The following ZNF230 variants were observed in gnomAD, a reference collection of about 807,000 sequenced individuals.
ZNF230 encodes zinc finger protein FDZF2.
In ZNF230, 12 loss-of-function variants were observed where a neutral mutation model predicts 10.0. The observed-to-expected ratio is 1.20, with a 90% CI of 0.77 to 1.95. The LOEUF (loss-of-function observed/expected upper bound fraction) is 1.95. Among genes scored for constraint, ZNF230 ranks in the 30% most tolerant of loss-of-function variants. The pLI, the probability that ZNF230 is intolerant of heterozygous loss-of-function variation, is 0.00. For synonymous variants in ZNF230, 174 were observed against 193.6 expected (o/e 0.90, Z 0.84); for missense variants, 532 against 565.8 (o/e 0.94, Z 0.61).
intron 2 of ZNF230, 111 bp downstream of exon 2, chr19:44,007,204 T>A: frequency 1.0e-6 from 1 of 996,970 alleles, no homozygotes; most frequent in East Asian, 2.6e-5. Flanking sequence ...ATTTGGGACC[T>A]GTTGTGTGCC....
rs138734079 is a variant in ZNF230, at chr19:44,010,895, G to A, written c.856G>A (p.Gly286Ser). 56 of 1,614,076 alleles carry A rather than the reference G, an allele frequency of 3.5e-5. No homozygotes were observed. The highest frequency in any genetic ancestry group is 4.4e-5 in the Non-Finnish European group (52 of 1,180,038). The stretch of plus-strand genomic sequence containing the variant: ...GAAGCCGTTCAAATGTGAAATATGT[G>A]GTAAGAGCTTCTGCCTTAGGTCAAG... ...GEKPFKCEICGKSFCLRSSLN... is the reference protein window; with the variant it reads ...GEKPFKCEICSKSFCLRSSLN... Residue 286 changes from glycine (G) to serine (S), a missense_variant, in exon 5 of 5, where the codon GGT becomes AGT. Gly to Ser is a moderately conservative substitution (Grantham distance 56). Coordinates refer to ENST00000429154, the MANE Select transcript of ZNF230 (RefSeq NM_006300.4).
At position 44,011,657 on chromosome 19, in the gene ZNF230, T is replaced by G. The variant is rs1976185861; in HGVS notation, c.*193T>G. ...GTTGATTATAGTCACCTTTGGTGCT[T>G]TAGAACACTAGAATGTATTTCTCCT... On this transcript the variant is annotated 3_prime_UTR_variant, in exon 5 of 5. Coordinates refer to ENST00000429154, the MANE Select transcript of ZNF230 (RefSeq NM_006300.4). 17 of 594,704 alleles carry G rather than the reference T, an allele frequency of 2.9e-5. No homozygotes were observed. The allele number at this position is 594,704 out of a possible 1,614,324, so 36.8% of individuals were successfully genotyped here. A position where few individuals can be genotyped will look rare whatever the true frequency, so the allele number is the denominator to read the frequency against.
intron 4 of ZNF230, 120 bp from the exon 5 acceptor site, chr19:44,010,149 A>T: frequency 1.0e-6 from 1 of 963,476 alleles, no homozygotes; most frequent in African/African-American, 1.6e-5. Flanking sequence ...AACAAGATTC[A>T]TGGGGAAAAC....
In ZNF230 at chr19:44,011,577, TG is replaced by T; in HGVS notation, c.*116del. ...TTAAACAATTAACATTTCTTTGTTTTGGGAAAATTCAAAATCCATTGTTCTA... is the reference window on the plus strand; with the variant it reads ...TTAAACAATTAACATTTCTTTGTTTTGGAAAATTCAAAATCCATTGTTCTA... On this transcript the variant is annotated 3_prime_UTR_variant, in exon 5 of 5. Coordinates refer to ENST00000429154, the MANE Select transcript of ZNF230 (RefSeq NM_006300.4). The T allele has an allele frequency of 8.4e-7, 1 of 1,183,812 alleles. No homozygotes were observed. Among genetic ancestry groups the T allele is most frequent in the South Asian group, 1.6e-5 (1 of 63,830 alleles). 73.3% of individuals were successfully genotyped at this position (1,183,812 alleles called of 1,614,324 possible). A position where few individuals can be genotyped will look rare whatever the true frequency, so the allele number is the denominator to read the frequency against.
At position 44,011,565 on chromosome 19, in the gene ZNF230, AT is replaced by A; in HGVS notation, c.*104del. ...TAGTGTATTACCTTAAACAATTAAC[AT>A]TTCTTTGTTTTGGGAAAATTCAAAA... On this transcript the variant is annotated 3_prime_UTR_variant, in exon 5 of 5. Coordinates refer to ENST00000429154, the MANE Select transcript of ZNF230 (RefSeq NM_006300.4). 1 of 1,239,338 alleles carries A rather than the reference AT, an allele frequency of 8.1e-7. No homozygotes were observed. The highest frequency in any genetic ancestry group is 1.1e-6 in the Non-Finnish European group (1 of 909,644). The allele number at this position is 1,239,338 out of a possible 1,614,324, so 76.8% of individuals were successfully genotyped here. A position where few individuals can be genotyped will look rare whatever the true frequency, so the allele number is the denominator to read the frequency against.
chr19:44,010,559 G>T lies in ZNF230; in HGVS notation c.520G>T (p.Gly174Ter). 1 of 1,614,212 alleles carries T rather than the reference G, an allele frequency of 6.2e-7. No homozygotes were observed. The highest frequency in any genetic ancestry group is 8.5e-7 in the Non-Finnish European group (1 of 1,180,036). The stretch of plus-strand genomic sequence containing the variant: ...GAAGTCTCATACATGCAATGAGTGT[G>T]GAAAAAGCTTCTGTTACATCTCAGC... The part of the protein sequence containing the change: ...GEKSHTCNEC[G>*]KSFCYISALR... The change falls in exon 5 of 5, where the codon GGA (glycine) becomes TGA (stop). Residue 174 changes from glycine (G) to a stop codon, truncating the protein, a stop_gained. Coordinates refer to ENST00000429154, the MANE Select transcript of ZNF230 (RefSeq NM_006300.4). LOFTEE classifies it low-confidence loss of function (END_TRUNC).
chr19:44,013,398 T>G lies in ZNF230; in HGVS notation c.*1934T>G, dbSNP rs1467168531. 3.3e-5 allele frequency: 5 copies of G among 152,234 alleles called. No individual in the cohort carries two copies. Among genetic ancestry groups the G allele is most frequent in the Non-Finnish European group, 7.3e-5 (5 of 68,034 alleles). The allele number at this position is 152,234 out of a possible 1,614,324, so 9.4% of individuals were successfully genotyped here. ...TTGTTGGCAGTAAAAATAAGTCTTT[T>G]GTAAGCAGTGTATATCAGAATGTAT... On this transcript the variant is annotated 3_prime_UTR_variant, in exon 5 of 5. Coordinates refer to ENST00000429154, the MANE Select transcript of ZNF230 (RefSeq NM_006300.4).
chr19:44,006,985 C>A, intron 1 of ZNF230, 26 bp from the exon 2 acceptor site: 3 of 1,075,946 alleles, frequency 2.8e-6, no homozygotes, highest in Non-Finnish European at 4.2e-6. Flanking sequence ...TCATGTCTCT[C>A]TTTTGCTGTC....
intron 4 of ZNF230, 91 bp from the exon 5 acceptor site, chr19:44,010,178 A>G (rs1976161464): frequency 1.6e-6 from 2 of 1,216,132 alleles, no homozygotes; most frequent in South Asian, 3.1e-5. Context: ...AACATTCATT[A>G]AAGTTGAATG....
chr19:44,010,473 G>A lies in ZNF230; in HGVS notation c.434G>A (p.Cys145Tyr), dbSNP rs747485897. 6 of 1,614,252 alleles carry A rather than the reference G, an allele frequency of 3.7e-6. No individual in the cohort carries two copies. The East Asian group carries it at 1.1e-4, about 30-fold the overall frequency. ...TGQKPSQNGK[C>Y]KQSFSDVAIF... is the part of the protein sequence containing the mutation. ...CAGAAACCTTCACAGAATGGGAAGT[G>A]TAAACAGTCCTTCAGTGATGTTGCC... is the stretch of plus-strand genomic sequence containing the variant. Residue 145 changes from cysteine to tyrosine, a missense_variant, in exon 5 of 5, where the codon TGT (cysteine) becomes TAT (tyrosine). Cys to Tyr is a radical substitution (Grantham distance 194). Transcript: ENST00000429154.
chr19:44,009,176 A>C lies in ZNF230; in HGVS notation c.229+6A>C. The C allele has an allele frequency of 6.2e-7, 1 of 1,614,000 alleles. No homozygotes were observed. Among genetic ancestry groups the C allele is most frequent in the South Asian group, 1.1e-5 (1 of 91,078 alleles). On this transcript the variant is annotated splice_donor_region_variant and intron_variant, in intron 4 of 4. Coordinates refer to ENST00000429154, the MANE Select transcript of ZNF230 (RefSeq NM_006300.4). Reference sequence around the variant, plus strand: ...CCAAAGAGAAGGAAATTCAGGTAAGAAGCAAGCAACTGTGTGTCCTTGTAC... The same window carrying C: ...CCAAAGAGAAGGAAATTCAGGTAAGCAGCAAGCAACTGTGTGTCCTTGTAC...
In ZNF230 at chr19:44,007,111, C is replaced by CTCTTGCTAT; in HGVS notation, c.15+20_15+28dup. ...CATTCAAGGTGAGTAGAGCTCACCT[C>CTCTTGCTAT]TCTTGCTATTAAAATTCCATCTTAT... is the stretch of plus-strand genomic sequence containing the variant. On this transcript the variant is annotated intron_variant, in intron 2 of 4. Transcript: ENST00000429154. 1 of 1,603,070 alleles carries CTCTTGCTAT rather than the reference C, an allele frequency of 6.2e-7. No individual in the cohort carries two copies.
Position 44,010,309 on chromosome 19 carries a change from C to A in ZNF230, c.270C>A (p.Cys90Ter), listed in dbSNP as rs1419349345. The change falls in exon 5 of 5, where the codon TGC becomes TGA. Residue 90 changes from cysteine to a stop codon, truncating the protein, a stop_gained. Transcript: ENST00000429154. LOFTEE classifies it low-confidence loss of function (END_TRUNC). Reference protein sequence around the residue: ...TIAEAGPHEDCPCQQIWEQTA... With the variant: ...TIAEAGPHED The stretch of plus-strand genomic sequence containing the variant: ...CGGAAGCAGGACCACATGAAGACTG[C>A]CCTTGCCAGCAAATCTGGGAACAAA... 6.2e-7 allele frequency: 1 copy of A among 1,613,240 alleles called. No homozygotes were observed. The highest frequency in any genetic ancestry group is 1.1e-5 in the South Asian group (1 of 90,932).
In ZNF230 at chr19:44,011,252, T is replaced by C. The variant is rs1976179658; in HGVS notation, c.1213T>C (p.Ser405Pro). The change falls in exon 5 of 5, where the codon TCA (serine) becomes CCA (proline). Residue 405 changes from serine to proline, a missense_variant. By Grantham distance (74) the Ser-to-Pro change is moderately conservative (BLOSUM62 -1). Transcript: ENST00000429154. ...KECGKSFSRA[S>P]SILNHKKLHC... ...ATGTGGGAAGAGCTTTAGCCGGGCT[T>C]CAAGTATTTTGAATCATAAGAAACT... The C allele has an allele frequency of 4.3e-6, 7 of 1,614,016 alleles. No individual in the cohort carries two copies. The highest frequency in any genetic ancestry group is 5.9e-6 in the Non-Finnish European group (7 of 1,180,026).
At position 44,009,305 on chromosome 19, in the gene ZNF230, C is replaced by T; in HGVS notation, c.229+135C>T. On this transcript the variant is annotated intron_variant, in intron 4 of 4. Coordinates refer to ENST00000429154, the MANE Select transcript of ZNF230 (RefSeq NM_006300.4). ...CTGGTTTATTACAACCCCTTTCTGG[C>T]TGGTGGTCCTGTTCCCTCCCTTCCA... The T allele has an allele frequency of 3.1e-6, 3 of 970,988 alleles. No homozygotes were observed. In the South Asian group the frequency reaches 4.9e-5, roughly 16 times the overall value. The allele number at this position is 970,988 out of a possible 1,614,324, so 60.1% of individuals were successfully genotyped here. A position where few individuals can be genotyped will look rare whatever the true frequency, so the allele number is the denominator to read the frequency against.
chr19:44,009,812 TCAG>T (rs1337390004), intron 4 of ZNF230, among the ~76,000 whole-genome samples: 1 of 152,214 alleles, frequency 6.6e-6, no homozygotes, highest in East Asian at 1.9e-4. Flanking sequence ...AGATTACCTC[TCAG>T]ATGCTGAGGA....
chr19:44,009,467 C>A, intron 4 of ZNF230: 1 of 507,348 alleles, frequency 2.0e-6, no homozygotes, highest in South Asian at 3.3e-5. Context: ...CTTTTAGAGA[C>A]CCTGAGGTTT....
At chr19:44,009,236 A>G (rs1484308787) in intron 4 of ZNF230, 66 bp downstream of exon 4, 4 of 1,526,924 alleles carry the variant, frequency 2.6e-6, no homozygotes, top group Admixed American at 3.4e-5. Context: ...ACTTCTGACC[A>G]TGCCCACTTA....
rs747999385 is a variant in ZNF230 at position 44,010,779 on chromosome 19, C to G, written c.740C>G (p.Thr247Arg). 1.2e-6 allele frequency: 2 copies of G among 1,614,192 alleles called. No homozygotes were observed. The highest frequency in any genetic ancestry group is 4.5e-5 in the East Asian group (2 of 44,882). ...AILQVHCKLH[T>R]GEKPYICEKC... ...CTTCAAGTTCACTGCAAATTACACA[C>G]AGGAGAGAAACCTTATATTTGTGAG... The change falls in exon 5 of 5, where the codon ACA (threonine) becomes AGA (arginine). Residue 247 changes from threonine (T) to arginine (R), a missense_variant. Physicochemically the swap from Thr to Arg is moderately conservative, Grantham distance 71. Transcript: ENST00000429154.
Sources: gnomAD v4.1 joint callset for allele counts (sites outside exome capture counted in the v4.1 genomes callset) on GRCh38, gnomAD v4.1.1 for gene constraint, MANE v1.5 for transcripts, NCBI Gene and HGNC (gene_info 2026-07-23, HGNC 2026-07-21) for gene names.